Variants in TMEM87B observed in about 807,000 individuals in gnomAD.
TMEM87B encodes transmembrane protein 87B.
A neutral mutation model predicts 80.3 loss-of-function variants in TMEM87B; 83 were observed. The observed-to-expected ratio is 1.03, with a 90% confidence interval of 0.87 to 1.24. The LOEUF is 1.24. Among genes scored for constraint, TMEM87B ranks in the 50% most tolerant of loss-of-function variants. The pLI, the probability that TMEM87B is intolerant of heterozygous loss-of-function variation, is 0.00. For synonymous variants in TMEM87B, 219 were observed against 230.5 expected (o/e 0.95, Z 0.45); for missense variants, 625 against 674.4 (o/e 0.93, Z 0.81).
intron 11 of TMEM87B, among the ~76,000 whole-genome samples, chr2:112,096,233 ATTC>A (rs1221451009): frequency 3.9e-5 from 6 of 152,084 alleles, no homozygotes; most frequent in Admixed American, 6.5e-5. Context: ...AACTGTAAGT[ATTC>A]TTCTTCCTCC....
intron 10 of TMEM87B, 74 bp downstream of exon 10, chr2:112,089,792 A>G (rs1573711221): frequency 7.2e-6 from 10 of 1,390,544 alleles, no homozygotes; most frequent in South Asian, 3.6e-5. Flanking sequence ...ATCTCCTGAG[A>G]TGAATTTTTA....
At chr2:112,096,634 A>G (rs1679476732) in intron 11 of TMEM87B, among the ~76,000 whole-genome samples, 1 of 152,268 alleles carries the variant, frequency 6.6e-6, no homozygotes, top group Non-Finnish European at 1.5e-5. Context: ...ATGAGAATAG[A>G]CTGGAAAGAT....
chr2:112,088,862 G>A (rs1679222817), intron 9 of TMEM87B, among the ~76,000 whole-genome samples: 2 of 152,036 alleles, frequency 1.3e-5, no homozygotes, highest in South Asian at 2.1e-4. Flanking sequence ...AAGTTCAAGC[G>A]ATTCTCGTGC....
In TMEM87B at chr2:112,064,200, A is replaced by G; in HGVS notation, c.265A>G (p.Ile89Val). 9 of 1,613,858 alleles carry G rather than the reference A, an allele frequency of 5.6e-6. No homozygotes were observed. Among genetic ancestry groups the G allele is most frequent in the Non-Finnish European group, 5.1e-6 (6 of 1,179,880 alleles). Residue 89 changes from isoleucine to valine, a missense_variant, in exon 3 of 19, where the codon ATA (isoleucine) becomes GTA (valine). By Grantham distance (29) the Ile-to-Val change is conservative. Coordinates refer to ENST00000283206, the MANE Select transcript of TMEM87B (RefSeq NM_032824.3). ...FHCSGPVKFT[I>V]VWHLKYHTCH... ...TTGTTCTGGGCCTGTGAAGTTTACC[A>G]TAGTGTGGCATTTGAAGTATCATAC...
intron 4 of TMEM87B, among the ~76,000 whole-genome samples, chr2:112,071,235 G>A (rs2104464327): frequency 6.6e-6 from 1 of 152,086 alleles, no homozygotes; most frequent in East Asian, 1.9e-4. Flanking sequence ...TATTCCTATG[G>A]GATTGCATTC....
At chr2:112,067,827 G>A (rs920844870) in intron 4 of TMEM87B, among the ~76,000 whole-genome samples, 9 of 152,298 alleles carry the variant, frequency 5.9e-5, no homozygotes, top group African/African-American at 2.2e-4. Context: ...CTTACCAAAA[G>A]TCTTGACTTA....
rs765791602 is a variant in TMEM87B at position 112,089,731 on chromosome 2, T to C, written c.1032+13T>C. ...GAGAGTCATTGGGGTAAAAACTACA[T>C]TATTCTACCACCCCTTTTTGTTATT... On this transcript the variant is annotated intron_variant, in intron 10 of 18. Transcript: ENST00000283206. The C allele has an allele frequency of 3.7e-5, 59 of 1,610,548 alleles. No individual in the cohort carries two copies. Among genetic ancestry groups the C allele is most frequent in the Non-Finnish European group, 4.9e-5 (58 of 1,176,834 alleles).
At chr2:112,082,300 C>T (rs984225905) in intron 8 of TMEM87B, among the ~76,000 whole-genome samples, 2 of 152,250 alleles carry the variant, frequency 1.3e-5, no homozygotes, top group Admixed American at 6.5e-5. Context: ...ATCTGTTGCC[C>T]GGTCTAGAGT....
rs145274492 is a variant in TMEM87B at position 112,090,627 on chromosome 2, A to C, written c.1032+909A>C. Among the ~76,000 whole-genome samples the C allele has an allele frequency of 6.9e-3, 1,052 of 152,208 alleles. 8 individuals carry two copies. The highest frequency in any genetic ancestry group is 0.024 in the African/African-American group (1,004 of 41,510). On this transcript the variant is annotated intron_variant, in intron 10 of 18. Coordinates refer to ENST00000283206, the MANE Select transcript of TMEM87B (RefSeq NM_032824.3). The stretch of plus-strand genomic sequence containing the variant: ...TTTTTTGTAGAGACAGGGTCTCACT[A>C]TGTTGCCCAAGCTGGTCTTGAGTTC...
chr2:112,073,709 T>A (rs1429439383), intron 4 of TMEM87B, among the ~76,000 whole-genome samples: 1 of 152,206 alleles, frequency 6.6e-6, no homozygotes, highest in African/African-American at 2.4e-5. Flanking sequence ...AGTCTCTCAC[T>A]ATTATTGTGT....
Position 112,112,827 on chromosome 2 carries a change from G to A in TMEM87B, c.1578-72G>A. ...AATTAGTGGGCCATGGCATGTGCCT[G>A]TATTCGGCTTTCGTGGATACACTGG... On this transcript the variant is annotated intron_variant, in intron 17 of 18. Transcript: ENST00000283206. 2.8e-6 allele frequency: 4 copies of A among 1,419,490 alleles called. No individual in the cohort carries two copies. In the South Asian group the frequency reaches 4.8e-5, roughly 17 times the overall value. The allele number at this position is 1,419,490 out of a possible 1,614,324, so 87.9% of individuals were successfully genotyped here.
At chr2:112,107,906 A>C in intron 17 of TMEM87B, 66 bp downstream of exon 17, 8 of 1,114,824 alleles carry the variant, frequency 7.2e-6, no homozygotes, top group Middle Eastern at 2.1e-4. Flanking sequence ...GATCGTTCTC[A>C]TCCTTTGTCA....
chr2:112,082,897 C>T (rs1465986009), intron 8 of TMEM87B, among the ~76,000 whole-genome samples: 1 of 152,154 alleles, frequency 6.6e-6, no homozygotes, highest in Non-Finnish European at 1.5e-5. Flanking sequence ...CATCTGCCAT[C>T]CTCAGGGAAT....
In TMEM87B at chr2:112,118,404, C is replaced by G. The variant is rs1165657340; in HGVS notation, c.*2261C>G. The G allele has an allele frequency of 6.6e-6, 1 of 152,148 alleles. No homozygotes were observed. The highest frequency in any genetic ancestry group is 1.5e-5 in the Non-Finnish European group (1 of 68,044). 9.4% of individuals were successfully genotyped at this position (152,148 alleles called of 1,614,324 possible). Reference sequence around the variant, plus strand: ...CTCAAATCAGTTTACTTTTAGCATGCCCCCATCAGGGTGGGTCTCACTGTT... The same window carrying G: ...CTCAAATCAGTTTACTTTTAGCATGGCCCCATCAGGGTGGGTCTCACTGTT... On this transcript the variant is annotated 3_prime_UTR_variant, in exon 19 of 19. Coordinates refer to ENST00000283206, the MANE Select transcript of TMEM87B (RefSeq NM_032824.3).
At position 112,069,417 on chromosome 2, in the gene TMEM87B, G is replaced by T. The variant is rs551846813; in HGVS notation, c.450+2350G>T. Among the ~76,000 whole-genome samples, 12 of 152,164 alleles carry T rather than the reference G, an allele frequency of 7.9e-5. No individual in the cohort carries two copies. The South Asian group carries it at 2.5e-3, about 32-fold the overall frequency. On this transcript the variant is annotated intron_variant, in intron 4 of 18. Transcript: ENST00000283206. ...CTCCCACTTATAAGTGAGAACATGC[G>T]GTATTTGGTTTTCTGTTCCTGTGTT... is the stretch of plus-strand genomic sequence containing the variant.
At chr2:112,085,758 C>T (rs578250068) in intron 8 of TMEM87B, among the ~76,000 whole-genome samples, 6 of 152,256 alleles carry the variant, frequency 3.9e-5, no homozygotes, top group African/African-American at 7.2e-5. Flanking sequence ...AGACAGTGTT[C>T]GGGCTGATAG....
intron 1 of TMEM87B, among the ~76,000 whole-genome samples, chr2:112,056,564 C>T (rs1452881427): frequency 1.3e-5 from 2 of 152,216 alleles, no homozygotes; most frequent in East Asian, 1.9e-4. Flanking sequence ...GCATTATCTC[C>T]GGCTTCTCTG....
At chr2:112,072,350 A>G (rs1234282140) in intron 4 of TMEM87B, among the ~76,000 whole-genome samples, 2 of 152,130 alleles carry the variant, frequency 1.3e-5, no homozygotes, top group Non-Finnish European at 2.9e-5. Context: ...TTCAGTAGGA[A>G]TGGTACCAGC....
At chr2:112,064,093 C>A in intron 2 of TMEM87B, 69 bp from the exon 3 acceptor site, 2 of 1,363,174 alleles carry the variant, frequency 1.5e-6, no homozygotes, top group South Asian at 1.3e-5. Flanking sequence ...ATTGCATTCT[C>A]AAAACCTTAA....
Sources: gnomAD v4.1 joint callset for allele counts (sites outside exome capture counted in the v4.1 genomes callset) on GRCh38, gnomAD v4.1.1 for gene constraint, MANE v1.5 for transcripts, NCBI Gene and HGNC (gene_info 2026-07-23, HGNC 2026-07-21) for gene names.